The following NRG1 variants were observed in gnomAD, a reference collection of about 807,000 sequenced individuals.
NRG1 encodes the protein neuregulin 1, also known as pro-neuregulin-1, membrane-bound isoform.
NRG1 carries 18 observed loss-of-function variants against 63.8 expected under a neutral mutation model. That is an observed-to-expected ratio of 0.28 (90% CI 0.19 to 0.42). NRG1 has a LOEUF of 0.42. Ranked by LOEUF, NRG1 falls within the 10% of genes least tolerant of loss-of-function variation. The pLI is 1.00. For missense variants in NRG1, 762 were observed against 814.7 expected, an observed-to-expected ratio of 0.94 and a Z score of 0.79; for synonymous variants, 302 against 301.3, an observed-to-expected ratio of 1.00 and a Z score of -0.02.
chr8:31,913,188 G>A (rs1012446827), intron 1 of NRG1, among the ~76,000 whole-genome samples: 4 of 152,154 alleles, frequency 2.6e-5, no homozygotes, highest in Non-Finnish European at 5.9e-5. Context: ...AGACTCCAAA[G>A]CATGTACTGG....
intron 2 of NRG1, among the ~76,000 whole-genome samples, chr8:32,600,361 G>A (rs1447177838): frequency 2.0e-5 from 3 of 150,594 alleles, no homozygotes; most frequent in Admixed American, 1.3e-4. Context: ...CACAAACACT[G>A]TCTATATAAT....
chr8:32,471,671 CCT>C (rs746597538), intron 1 of NRG1, among the ~76,000 whole-genome samples: 1 of 152,024 alleles, frequency 6.6e-6, no homozygotes, highest in Admixed American at 6.6e-5. Flanking sequence ...AGAAACTACC[CCT>C]GTTAAATACT....
chr8:31,753,654 C>G (rs1216228619), intron 1 of NRG1, among the ~76,000 whole-genome samples: 1 of 152,022 alleles, frequency 6.6e-6, no homozygotes, highest in Non-Finnish European at 1.5e-5. Flanking sequence ...AGAGTCAAAT[C>G]TATCCAAACA....
intron 1 of NRG1, among the ~76,000 whole-genome samples, chr8:32,024,375 G>C (rs1816919010): frequency 6.6e-6 from 1 of 152,184 alleles, no homozygotes; most frequent in African/African-American, 2.4e-5. Flanking sequence ...TTGAGTGGTG[G>C]ACAGAGTGGG....
chr8:32,449,474 C>A (rs1820703348), intron 1 of NRG1, among the ~76,000 whole-genome samples: 1 of 151,376 alleles, frequency 6.6e-6, no homozygotes, highest in Admixed American at 6.6e-5. Context: ...GCTGTTGCTC[C>A]ATTTATTTCA....
intron 1 of NRG1, among the ~76,000 whole-genome samples, chr8:32,176,952 A>G (rs1468380737): frequency 6.6e-6 from 1 of 152,162 alleles, no homozygotes; most frequent in African/African-American, 2.4e-5. Flanking sequence ...TAGAAATACC[A>G]TTTGACCCAG....
In NRG1 at chr8:31,977,468, TC is replaced by T. The variant is rs140500500; in HGVS notation, c.37+338038del. Among the ~76,000 whole-genome samples, 730 of 152,224 alleles carry T rather than the reference TC, an allele frequency of 4.8e-3. 4 individuals carry two copies. The highest frequency in any genetic ancestry group is 0.017 in the Middle Eastern group (5 of 294). Reference sequence around the variant, plus strand: ...TTTAGTTTTATTTCTAGTGCCGCCATCTCAGACCTCTACTAATTCATTGGAA... The same window carrying T: ...TTTAGTTTTATTTCTAGTGCCGCCATTCAGACCTCTACTAATTCATTGGAA... On this transcript the variant is annotated intron_variant, in intron 1 of 10. Transcript: ENST00000519301.
chr8:32,271,127 T>A (rs1231326350), intron 1 of NRG1, among the ~76,000 whole-genome samples: 3 of 152,154 alleles, frequency 2.0e-5, no homozygotes, highest in African/African-American at 7.2e-5. Flanking sequence ...TTTTCAGCCC[T>A]GCTTCAGCCC....
At chr8:31,894,286 C>A (rs1831381846) in intron 1 of NRG1, among the ~76,000 whole-genome samples, 2 of 152,052 alleles carry the variant, frequency 1.3e-5, no homozygotes, top group South Asian at 4.1e-4. Flanking sequence ...TTGCAATATT[C>A]TTAATAACGG....
At chr8:32,488,984 A>G (rs1227454332) in intron 1 of NRG1, among the ~76,000 whole-genome samples, 1 of 152,190 alleles carries the variant, frequency 6.6e-6, no homozygotes. Context: ...AGAGGGAGTG[A>G]AAGTTTATTA....
intron 1 of NRG1, among the ~76,000 whole-genome samples, chr8:32,068,222 A>G (rs1426135418): frequency 1.3e-5 from 2 of 152,204 alleles, no homozygotes; most frequent in Non-Finnish European, 2.9e-5. Context: ...TATGAAAGAA[A>G]GACTTTGAGC....
intron 1 of NRG1, among the ~76,000 whole-genome samples, chr8:32,550,037 T>C (rs1833834961): frequency 6.6e-6 from 1 of 152,138 alleles, no homozygotes; most frequent in Admixed American, 6.5e-5. Context: ...ACAAACCACA[T>C]TTGCTTGGTC....
intron 1 of NRG1, among the ~76,000 whole-genome samples, chr8:31,658,462 T>C (rs1289980298): frequency 6.6e-6 from 1 of 152,138 alleles, no homozygotes; most frequent in Admixed American, 6.6e-5. Context: ...GGTAAGTGCC[T>C]TCTTTCTTTC....
intron 1 of NRG1, among the ~76,000 whole-genome samples, chr8:31,879,182 T>C (rs1254063862): frequency 2.6e-5 from 4 of 152,176 alleles, no homozygotes. Context: ...ACACAGCCAA[T>C]TTCCTATAGC....
intron 1 of NRG1, among the ~76,000 whole-genome samples, chr8:31,940,760 A>T (rs1218834013): frequency 6.6e-6 from 1 of 152,178 alleles, no homozygotes. Context: ...ATTCAAGGCT[A>T]CTATGAACAC....
intron 1 of NRG1, among the ~76,000 whole-genome samples, chr8:32,236,703 A>C (rs1847597903): frequency 6.6e-6 from 1 of 152,198 alleles, no homozygotes; most frequent in South Asian, 2.1e-4. Context: ...CAAACATAGA[A>C]CACTTTTCTC....
intron 1 of NRG1, among the ~76,000 whole-genome samples, chr8:32,227,553 C>T (rs1454090173): frequency 1.3e-5 from 2 of 152,084 alleles, no homozygotes; most frequent in Non-Finnish European, 2.9e-5. Flanking sequence ...TTTTTCAAGC[C>T]GCAGTGAATG....
At chr8:32,572,526 CCTAA>C (rs1287650925) in intron 1 of NRG1, among the ~76,000 whole-genome samples, 2 of 152,160 alleles carry the variant, frequency 1.3e-5, no homozygotes, top group Non-Finnish European at 2.9e-5. Context: ...AATGTACTAT[CCTAA>C]CTTTCAATTA....
chr8:32,275,230 A>C (rs760735100), intron 1 of NRG1, among the ~76,000 whole-genome samples: 6 of 152,186 alleles, frequency 3.9e-5, no homozygotes, highest in Non-Finnish European at 7.3e-5. Context: ...TCAGTTGTCC[A>C]TTCAGTCAAC....
Sources: allele counts gnomAD v4.1 joint callset (sites outside exome capture counted in the v4.1 genomes callset), GRCh38; gene constraint gnomAD v4.1.1; transcripts MANE v1.5; gene names NCBI Gene and HGNC (gene_info 2026-07-23, HGNC 2026-07-21).